C8orf34: variants seen among roughly 807,000 people sequenced by gnomAD.
C8orf34 encodes uncharacterized protein C8orf34.
C8orf34 carries 65 observed loss-of-function variants against 68.3 expected under a neutral mutation model. The observed-to-expected ratio is 0.95, with a 90% confidence interval of 0.78 to 1.17. The LOEUF is 1.17. Among genes scored for constraint, C8orf34 ranks in the 50% most tolerant of loss-of-function variants. The pLI is 0.00. For missense variants in C8orf34, 664 were observed against 655.4 expected, an observed-to-expected ratio of 1.01 and a Z score of -0.14; for synonymous variants, 244 against 241.2, an observed-to-expected ratio of 1.01 and a Z score of -0.11.
chr8:68,657,779 T>C (rs1434545757), intron 8 of C8orf34, among the ~76,000 whole-genome samples: 1 of 152,216 alleles, frequency 6.6e-6, no homozygotes, highest in Admixed American at 6.5e-5. Context: ...ACAGGATATT[T>C]TGAAATCATT....
chr8:68,426,432 T>A (rs1262085642), intron 1 of C8orf34, among the ~76,000 whole-genome samples: 17 of 143,010 alleles, frequency 1.2e-4, no homozygotes, highest in Non-Finnish European at 2.4e-4. Flanking sequence ...GGTGGGAAAA[T>A]CGCTTCAACC....
chr8:68,597,249 T>C (rs1817571296), intron 7 of C8orf34, among the ~76,000 whole-genome samples: 2 of 151,874 alleles, frequency 1.3e-5, no homozygotes, highest in Admixed American at 1.3e-4. Flanking sequence ...ACACCAAGAG[T>C]CACCTGTGTC....
chr8:68,702,912 G>T (rs1821061135), intron 8 of C8orf34, among the ~76,000 whole-genome samples: 1 of 151,988 alleles, frequency 6.6e-6, no homozygotes, highest in Non-Finnish European at 1.5e-5. Flanking sequence ...GATCCTTTTA[G>T]CCCAGTAATT....
intron 8 of C8orf34, among the ~76,000 whole-genome samples, chr8:68,704,390 C>A (rs1759994533): frequency 6.7e-6 from 1 of 150,308 alleles, no homozygotes; most frequent in Non-Finnish European, 1.5e-5. Flanking sequence ...GGCTTAATAA[C>A]AAAACACCTG....
intron 8 of C8orf34, among the ~76,000 whole-genome samples, chr8:68,685,244 G>C (rs577105330): frequency 6.6e-6 from 1 of 151,914 alleles, no homozygotes; most frequent in Non-Finnish European, 1.5e-5. Context: ...TTTAGACAAG[G>C]GTTCACCATA....
chr8:68,670,215 A>T (rs1585703694), intron 8 of C8orf34, among the ~76,000 whole-genome samples: 1 of 152,336 alleles, frequency 6.6e-6, no homozygotes. Flanking sequence ...TAAAACAAGA[A>T]GGCCTCAGAA....
intron 6 of C8orf34, among the ~76,000 whole-genome samples, chr8:68,527,571 C>CA (rs963327729): frequency 6.6e-6 from 1 of 151,834 alleles, no homozygotes; most frequent in African/African-American, 2.4e-5. Flanking sequence ...GACTCCGTCT[C>CA]AAAAAAATAA....
At chr8:68,630,022 ATTC>A (rs1408051662) in intron 7 of C8orf34, among the ~76,000 whole-genome samples, 10 of 152,106 alleles carry the variant, frequency 6.6e-5, no homozygotes, top group South Asian at 6.2e-4. Context: ...CAATAAATGT[ATTC>A]TTCTTTGTAT....
intron 8 of C8orf34, among the ~76,000 whole-genome samples, chr8:68,703,990 G>A (rs1821094927): frequency 6.6e-6 from 1 of 151,962 alleles, no homozygotes; most frequent in Admixed American, 6.6e-5. Context: ...CCCAATATAG[G>A]GCTGGGCCAT....
chr8:68,778,153 A>G (rs1428190113), intron 11 of C8orf34, among the ~76,000 whole-genome samples: 1 of 152,190 alleles, frequency 6.6e-6, no homozygotes, highest in Non-Finnish European at 1.5e-5. Context: ...TTCTCCATTG[A>G]GAACATGTTT....
At chr8:68,404,397 T>C (rs1809096935) in intron 1 of C8orf34, among the ~76,000 whole-genome samples, 1 of 152,210 alleles carries the variant, frequency 6.6e-6, no homozygotes, top group African/African-American at 2.4e-5. Context: ...CCTTTGTCAA[T>C]CTTGGCTTTT....
intron 7 of C8orf34, among the ~76,000 whole-genome samples, chr8:68,611,426 T>G (rs536983124): frequency 6.6e-6 from 1 of 152,248 alleles, no homozygotes; most frequent in South Asian, 2.1e-4. Context: ...TTTCAAGAGG[T>G]CCTCTCTAGG....
chr8:68,549,854 C>T (rs897697827), intron 7 of C8orf34, among the ~76,000 whole-genome samples: 1 of 151,702 alleles, frequency 6.6e-6, no homozygotes, highest in Non-Finnish European at 1.5e-5. Context: ...CTAAGCCCCT[C>T]TTTTATCCCT....
chr8:68,509,821 G>A (rs980412107), intron 5 of C8orf34, among the ~76,000 whole-genome samples: 2 of 152,118 alleles, frequency 1.3e-5, no homozygotes, highest in Non-Finnish European at 2.9e-5. Context: ...GAATCCTGGA[G>A]ACCATGGCAG....
chr8:68,569,282 G>A (rs1816693402), intron 7 of C8orf34, among the ~76,000 whole-genome samples: 1 of 152,242 alleles, frequency 6.6e-6, no homozygotes, highest in South Asian at 2.1e-4. Context: ...CACGCACGTG[G>A]TGGGAGCTAA....
chr8:68,557,785 C>A (rs891777624), intron 7 of C8orf34, among the ~76,000 whole-genome samples: 1 of 152,140 alleles, frequency 6.6e-6, no homozygotes, highest in African/African-American at 2.4e-5. Flanking sequence ...TTAACATTCA[C>A]TCTGTAATAA....
chr8:68,669,994 G>A (rs375402760), intron 8 of C8orf34, among the ~76,000 whole-genome samples: 2 of 152,106 alleles, frequency 1.3e-5, no homozygotes. Flanking sequence ...CACAAGATTT[G>A]ATCTTTCTTC....
intron 1 of C8orf34, among the ~76,000 whole-genome samples, chr8:68,411,818 G>A (rs1420675237): frequency 6.6e-6 from 1 of 152,150 alleles, no homozygotes; most frequent in Non-Finnish European, 1.5e-5. Flanking sequence ...TAATGCTATG[G>A]CTTTTATTTT....
chr8:68,585,117 G>A (rs1228989799), intron 7 of C8orf34, among the ~76,000 whole-genome samples: 3 of 152,142 alleles, frequency 2.0e-5, no homozygotes, highest in Non-Finnish European at 4.4e-5. Context: ...CTGATGCTCA[G>A]CACTGGGCAG....
Sources: gnomAD v4.1 joint callset for allele counts (sites outside exome capture counted in the v4.1 genomes callset) on GRCh38, gnomAD v4.1.1 for gene constraint, MANE v1.5 for transcripts, NCBI Gene and HGNC (gene_info 2026-07-23, HGNC 2026-07-21) for gene names.